Variants in RGS6 observed in about 807,000 individuals in gnomAD.
The protein encoded by RGS6 is regulator of G-protein signaling 6.
In RGS6, 30 loss-of-function variants were observed where a neutral mutation model predicts 78.5. The observed-to-expected ratio is 0.38, with a 90% CI of 0.29 to 0.52. The LOEUF is 0.52. Among genes scored for constraint, RGS6 ranks in the 20% least tolerant of loss-of-function variants. The pLI, the probability that RGS6 is intolerant of heterozygous loss-of-function variation, is 0.85. For missense variants in RGS6, 495 were observed against 609.7 expected, an observed-to-expected ratio of 0.81 and a Z score of 1.98; for synonymous variants, 206 against 206.0, an observed-to-expected ratio of 1.00 and a Z score of 0.00.
At chr14:71,886,889 C>T in the RGS6 span, among the ~76,000 whole-genome samples, 16 of 152,302 alleles carry the variant, frequency 1.1e-4, no homozygotes, top group East Asian at 3.9e-4. Context: ...TGTTGGCTCA[C>T]GCCTGTAATC....
chr14:72,140,867 C>T (rs557924635), intron 2 of RGS6, among the ~76,000 whole-genome samples: 1 of 152,362 alleles, frequency 6.6e-6, no homozygotes, highest in East Asian at 1.9e-4. Flanking sequence ...CAATGGGCTG[C>T]TGGTGTTCCT....
intron 3 of RGS6, among the ~76,000 whole-genome samples, chr14:72,396,269 G>C (rs536973606): frequency 6.6e-6 from 1 of 152,268 alleles, no homozygotes; most frequent in African/African-American, 2.4e-5. Context: ...GTTTTGATTT[G>C]CATTTCTCTG....
intron 2 of RGS6, among the ~76,000 whole-genome samples, chr14:72,195,630 G>A (rs1390871701): frequency 2.0e-5 from 3 of 152,234 alleles, no homozygotes; most frequent in South Asian, 2.1e-4. Flanking sequence ...GCAAGTCACA[G>A]CGCTCAAAGC....
intron 2 of RGS6, among the ~76,000 whole-genome samples, chr14:72,203,528 C>T (rs1049532682): frequency 6.6e-6 from 1 of 152,172 alleles, no homozygotes; most frequent in South Asian, 2.1e-4. Context: ...CTTTCAAGCT[C>T]ACACATGTGG....
rs564615069 is a variant in RGS6 at position 72,315,735 on chromosome 14, T to G, written c.85-36360T>G. ...CGCCCAGCCCTGTAGGGTTCCTAGC[T>G]CTGCTTTTCCAGATGAAGAGCCAAG... On this transcript the variant is annotated intron_variant, in intron 2 of 17. Coordinates refer to ENST00000553525, the MANE Select transcript of RGS6 (RefSeq NM_001204424.2). 1.4e-3 allele frequency among the ~76,000 whole-genome samples: 210 copies of G among 152,310 alleles called. 1 individual carries two copies. The highest frequency in any genetic ancestry group is 4.6e-3 in the African/African-American group (190 of 41,556).
At chr14:71,879,189 A>G in the RGS6 span, among the ~76,000 whole-genome samples, 2 of 152,334 alleles carry the variant, frequency 1.3e-5, no homozygotes, top group African/African-American at 4.8e-5. Context: ...AGAAAAAATT[A>G]TTTTCATTTG....
intron 2 of RGS6, among the ~76,000 whole-genome samples, chr14:72,194,820 A>T (rs1298669603): frequency 6.6e-6 from 1 of 152,230 alleles, no homozygotes; most frequent in Non-Finnish European, 1.5e-5. Flanking sequence ...AACTAGGGCA[A>T]CCAAGGTGGG....
At chr14:72,170,260 A>T (rs2096993131) in intron 2 of RGS6, among the ~76,000 whole-genome samples, 1 of 152,236 alleles carries the variant, frequency 6.6e-6, no homozygotes, top group African/African-American at 2.4e-5. Flanking sequence ...AAAATGTTTA[A>T]TACAGACTGA....
At chr14:72,239,147 C>T (rs847265) in intron 2 of RGS6, among the ~76,000 whole-genome samples, 46,389 of 152,034 alleles carry the variant, frequency 0.31, 7,865 homozygotes, top group South Asian at 0.42. Flanking sequence ...TCAAGAGCCC[C>T]GTTTAACGGT....
intron 2 of RGS6, among the ~76,000 whole-genome samples, chr14:72,340,163 T>C (rs1445933430): frequency 1.3e-5 from 2 of 152,206 alleles, no homozygotes; most frequent in East Asian, 1.9e-4. Flanking sequence ...TGCTCATTTC[T>C]ACCTGATTTT....
chr14:72,148,901 C>G (rs571639067), intron 2 of RGS6, among the ~76,000 whole-genome samples: 1 of 152,330 alleles, frequency 6.6e-6, no homozygotes, highest in South Asian at 2.1e-4. Context: ...GTAGAGCATT[C>G]CAGTTATCTA....
At chr14:72,163,955 C>T (rs2096889471) in intron 2 of RGS6, among the ~76,000 whole-genome samples, 1 of 151,100 alleles carries the variant, frequency 6.6e-6, no homozygotes, top group South Asian at 2.1e-4. Flanking sequence ...GAGAATGTTT[C>T]TGTTCAAGTA....
chr14:72,511,567 C>T (rs536821021), intron 14 of RGS6: 27 of 152,196 alleles, frequency 1.8e-4, no homozygotes, highest in African/African-American at 6.3e-4. Flanking sequence ...AGAACCATTT[C>T]GAAAGCATTT....
intron 2 of RGS6, among the ~76,000 whole-genome samples, chr14:72,228,912 G>A (rs565769153): frequency 2.6e-4 from 40 of 152,226 alleles, no homozygotes; most frequent in African/African-American, 4.8e-5. Flanking sequence ...AAATTTAGCC[G>A]GGCAAGGCGG....
intron 2 of RGS6, among the ~76,000 whole-genome samples, chr14:72,002,550 G>T (rs559721995): frequency 2.6e-5 from 4 of 152,168 alleles, no homozygotes; most frequent in Admixed American, 2.6e-4. Context: ...TTTATTGAAT[G>T]GAAGTCTCTT....
At chr14:72,442,554 T>C (rs138542699) in intron 3 of RGS6, among the ~76,000 whole-genome samples, 87 of 152,316 alleles carry the variant, frequency 5.7e-4, no homozygotes, top group African/African-American at 2.0e-3. Flanking sequence ...TTATTCATCA[T>C]TGCTGGTGGA....
intron 2 of RGS6, among the ~76,000 whole-genome samples, chr14:72,302,987 T>A (rs2066439975): frequency 6.6e-6 from 1 of 152,222 alleles, no homozygotes; most frequent in Admixed American, 6.5e-5. Flanking sequence ...ATGTAAGACA[T>A]GCCTTTGCTC....
At chr14:72,434,028 A>C (rs1047671886) in intron 3 of RGS6, among the ~76,000 whole-genome samples, 1 of 152,202 alleles carries the variant, frequency 6.6e-6, no homozygotes, top group African/African-American at 2.4e-5. Flanking sequence ...AGCAAATTCC[A>C]ACGTGTCCGT....
At chr14:71,990,008 C>T (rs1262663444) in intron 2 of RGS6, among the ~76,000 whole-genome samples, 1 of 152,162 alleles carries the variant, frequency 6.6e-6, no homozygotes, top group African/African-American at 2.4e-5. Context: ...GCTCACAGTT[C>T]TGCAGGTGTA....
Sources: allele counts gnomAD v4.1 joint callset (sites outside exome capture counted in the v4.1 genomes callset), GRCh38; gene constraint gnomAD v4.1.1; transcripts MANE v1.5; gene names NCBI Gene and HGNC (gene_info 2026-07-23, HGNC 2026-07-21).